Variants in MAPK10 observed in about 807,000 individuals in gnomAD.
MAPK10 encodes the protein mitogen-activated protein kinase 10.
In MAPK10, 25 loss-of-function variants were observed where a neutral mutation model predicts 59.3. The ratio of observed to expected loss-of-function variants is 0.42; its 90% confidence interval spans 0.31 to 0.59. The LOEUF (loss-of-function observed/expected upper bound fraction) is 0.59. MAPK10 is among the 20% of genes least tolerant of loss of function. The probability of loss-of-function intolerance (pLI) is 0.15; values close to 1 mark genes in which losing one functional copy is unlikely to be tolerated. For synonymous variants in MAPK10, 190 were observed against 200.5 expected (o/e 0.95, Z 0.44); for missense variants, 351 against 568.9 (o/e 0.62, Z 3.90).
At chr4:86,507,655 T>TATATACATAC (rs59148309) in intron 1 of MAPK10, among the ~76,000 whole-genome samples, 1 of 71,266 alleles carries the variant, frequency 1.4e-5, no homozygotes, top group Non-Finnish European at 2.9e-5. Context: ...TATATATATA[T>TATATACATAC]ATATATATAT....
rs1237068618 is a variant in MAPK10, at chr4:86,029,235, G to T, written c.1214C>A (p.Thr405Asn). 1 of 1,611,482 alleles carries T rather than the reference G, an allele frequency of 6.2e-7. No homozygotes were observed. Among genetic ancestry groups the T allele is most frequent in the South Asian group, 1.1e-5 (1 of 91,014 alleles). ...YKEVMNSEEKTKNGVVKGQPS... is the reference protein window; with the variant it reads ...YKEVMNSEEKNKNGVVKGQPS... ...CTGTCCTTTTACTACACCATTTTTA[G>T]TCTTTTCTTCTGAATTCATTACTTC... The change falls in exon 13 of 14, where the codon ACT becomes AAT. Residue 405 changes from threonine (T) to asparagine (N), a missense_variant. This residue lies in a region of MAPK10 where 155 missense variants were observed against 204.2 expected (regional missense o/e 0.76). Transcript: ENST00000641462.
chr4:86,312,202 T>C (rs2095685409), intron 2 of MAPK10, among the ~76,000 whole-genome samples: 1 of 152,148 alleles, frequency 6.6e-6, no homozygotes, highest in Admixed American at 6.6e-5. Context: ...ACAAGCAGCT[T>C]GTGACCACAT....
intron 1 of MAPK10, among the ~76,000 whole-genome samples, chr4:86,399,073 C>T (rs1033810911): frequency 5.3e-5 from 8 of 152,148 alleles, no homozygotes; most frequent in Non-Finnish European, 1.0e-4. Flanking sequence ...CACACACATG[C>T]GTATGTCTTT....
intron 5 of MAPK10, 101 bp from the exon 6 acceptor site, chr4:86,103,345 C>T: frequency 1.5e-6 from 1 of 670,336 alleles, no homozygotes; most frequent in South Asian, 1.7e-5. Flanking sequence ...CTCACTAGTG[C>T]TATGGCAGAA....
intron 2 of MAPK10, among the ~76,000 whole-genome samples, chr4:86,340,811 GAA>G (rs1353769945): frequency 6.6e-6 from 1 of 151,982 alleles, no homozygotes; most frequent in Non-Finnish European, 1.5e-5. Context: ...GTGACTAAGA[GAA>G]AGACTCAATA....
chr4:86,566,184 C>T (rs766600951), intron 1 of MAPK10, among the ~76,000 whole-genome samples: 6 of 152,128 alleles, frequency 3.9e-5, no homozygotes, highest in Admixed American at 6.6e-5. Context: ...ACTTGGTATA[C>T]GGCATATATT....
chr4:86,317,299 G>C (rs781577245), intron 2 of MAPK10, among the ~76,000 whole-genome samples: 2 of 152,096 alleles, frequency 1.3e-5, no homozygotes, highest in Non-Finnish European at 2.9e-5. Flanking sequence ...ATGCATCTGA[G>C]GTTCCTTCTC....
At chr4:86,137,783 G>T (rs879595573) in intron 4 of MAPK10, among the ~76,000 whole-genome samples, 8,460 of 142,558 alleles carry the variant, frequency 0.059, 74 homozygotes, top group Middle Eastern at 0.12. Context: ...TTGATAGACC[G>T]CTAGCAAGAC....
intron 1 of MAPK10, among the ~76,000 whole-genome samples, chr4:86,486,319 A>ACATG (rs1180449778): frequency 6.6e-6 from 1 of 152,166 alleles, no homozygotes; most frequent in Non-Finnish European, 1.5e-5. Flanking sequence ...ATACATACAT[A>ACATG]CACACATGCA....
intron 1 of MAPK10, among the ~76,000 whole-genome samples, chr4:86,359,288 C>CTCTCTCTCTCTCTCCCTGTGTG (rs796310826): frequency 4.2e-5 from 4 of 94,606 alleles, no homozygotes; most frequent in African/African-American, 1.6e-4. Context: ...CTCTCTCTCT[C>CTCTCTCTCTCTCTCCCTGTGTG]TGTGTGTGTG....
chr4:86,107,120 A>C (rs2056686699), intron 5 of MAPK10, 103 bp downstream of exon 5: 1 of 856,654 alleles, frequency 1.2e-6, no homozygotes, highest in Non-Finnish European at 1.8e-6. Flanking sequence ...AGAGGCAGGA[A>C]TTGCAAAGCA....
At chr4:86,084,216 G>A (rs2051279811) in intron 9 of MAPK10, among the ~76,000 whole-genome samples, 1 of 152,186 alleles carries the variant, frequency 6.6e-6, no homozygotes, top group African/African-American at 2.4e-5. Context: ...TGGCCACAGT[G>A]TGGGTAGAGT....
rs1484774493 is a variant in MAPK10 at position 86,107,589 on chromosome 4, G to A, written c.237-237C>T. ...AGGGAAGAAGGAGAAACAGGAGAAG[G>A]GGGGAAGGAGTAGAAGAGGGCAAAG... On this transcript the variant is annotated intron_variant, in intron 4 of 13. Coordinates refer to ENST00000641462, the MANE Select transcript of MAPK10 (RefSeq NM_138982.4). 2.8e-5 allele frequency: 32 copies of A among 1,139,614 alleles called. 1 individual carries two copies. In the South Asian group the frequency reaches 1.1e-3, roughly 38 times the overall value. 70.6% of individuals were successfully genotyped at this position (1,139,614 alleles called of 1,614,324 possible).
chr4:86,569,188 A>AT (rs1374815306), intron 1 of MAPK10, among the ~76,000 whole-genome samples: 22 of 152,330 alleles, frequency 1.4e-4, no homozygotes, highest in African/African-American at 5.3e-4. Context: ...GCCAATAAAC[A>AT]TATGAAAATA....
At chr4:86,028,256 C>A (rs1751330871) in intron 13 of MAPK10, 1 of 152,074 alleles carries the variant, frequency 6.6e-6, no homozygotes, top group Admixed American at 6.6e-5. Context: ...TCCTGTGATT[C>A]CCTTAACCTT....
rs980396485 is a variant in MAPK10 at position 86,064,402 on chromosome 4, A to C, written c.986-12T>G. The C allele has an allele frequency of 6.2e-7, 1 of 1,610,646 alleles. No individual in the cohort carries two copies. The highest frequency in any genetic ancestry group is 2.2e-5 in the East Asian group (1 of 44,872). On this transcript the variant is annotated splice_polypyrimidine_tract_variant and intron_variant, in intron 10 of 13. Coordinates refer to ENST00000641462, the MANE Select transcript of MAPK10 (RefSeq NM_138982.4). ...CCTGGCTTGGCTGGCTGAAACAATA[A>C]ATGAGAAAAACAATTAGTAAGATTT...
intron 1 of MAPK10, among the ~76,000 whole-genome samples, chr4:86,413,022 T>C (rs6849834): frequency 0.19 from 28,326 of 152,196 alleles, 2,732 homozygotes; most frequent in South Asian, 0.28. Context: ...GCTCTAGTTT[T>C]TCCCTGTGTT....
At chr4:86,487,529 A>G (rs1487424186) in intron 1 of MAPK10, among the ~76,000 whole-genome samples, 1 of 152,086 alleles carries the variant, frequency 6.6e-6, no homozygotes. Context: ...GGAGATCAAG[A>G]CCATCCTGGC....
At position 86,136,168 on chromosome 4, in the gene MAPK10, T is replaced by A. The variant is rs191511456; in HGVS notation, c.236+23130A>T. On this transcript the variant is annotated intron_variant, in intron 4 of 13. Coordinates refer to ENST00000641462, the MANE Select transcript of MAPK10 (RefSeq NM_138982.4). ...TAGCAAGGCAGGCCAACGTTCACAT[T>A]CAGGAAACACAGAGAATGCCACAAA... is the stretch of plus-strand genomic sequence containing the variant. 2.0e-5 allele frequency among the ~76,000 whole-genome samples: 3 copies of A among 152,226 alleles called. No homozygotes were observed. The East Asian group carries it at 5.8e-4, about 29-fold the overall frequency.
Sources: gnomAD v4.1 joint callset for allele counts (sites outside exome capture counted in the v4.1 genomes callset) on GRCh38, gnomAD v4.1.1 for gene constraint, gnomAD v4.1.1 regional missense constraint, MANE v1.5 for transcripts, NCBI Gene and HGNC (gene_info 2026-07-23, HGNC 2026-07-21) for gene names.